Variants in ERO1A observed in about 807,000 individuals in gnomAD.
ERO1A encodes ERO1-like protein alpha.
Under a neutral mutation model 76.9 loss-of-function variants are expected in ERO1A, and 49 were observed. That is an observed-to-expected ratio of 0.64 (90% CI 0.51 to 0.81). The LOEUF (loss-of-function observed/expected upper bound fraction) is 0.81, where lower values mean the gene tolerates loss of function less well. ERO1A is among the 30% of genes least tolerant of loss of function. The pLI, the probability that ERO1A is intolerant of heterozygous loss-of-function variation, is 0.00. For synonymous variants in ERO1A, 174 were observed against 181.2 expected (o/e 0.96, Z 0.32); for missense variants, 448 against 542.1 (o/e 0.83, Z 1.72).
chr14:52,667,715 G>A (rs542684825), intron 6 of ERO1A, among the ~76,000 whole-genome samples: 1 of 151,954 alleles, frequency 6.6e-6, no homozygotes, highest in Non-Finnish European at 1.5e-5. Flanking sequence ...CAGTGAGACT[G>A]TGTCTCAAAA....
At position 52,653,137 on chromosome 14, in the gene ERO1A, G is replaced by T; in HGVS notation, c.987C>A (p.Leu329=). 6.2e-7 allele frequency: 1 copy of T among 1,609,906 alleles called. No individual in the cohort carries two copies. The highest frequency in any genetic ancestry group is 8.5e-7 in the Non-Finnish European group (1 of 1,176,440). The change falls in exon 12 of 16, where the codon CTC becomes CTA. Residue 329 remains leucine, a synonymous_variant. Coordinates refer to ENST00000395686, the MANE Select transcript of ERO1A (RefSeq NM_014584.3). ...CATCCTGAATTTTATTTCCAGTAAAGAGTTGAAAATCTGGGCGCTCGAAGA... is the reference window on the plus strand; with the variant it reads ...CATCCTGAATTTTATTTCCAGTAAATAGTTGAAAATCTGGGCGCTCGAAGA... The part of the protein sequence containing the change: ...LPFFERPDFQ[L]FTGNKIQDEE...
chr14:52,686,912 GAGT>G (rs1363016549), intron 1 of ERO1A, among the ~76,000 whole-genome samples: 3 of 152,072 alleles, frequency 2.0e-5, no homozygotes. Flanking sequence ...CTGAAATATG[GAGT>G]AGGAGATATT....
intron 1 of ERO1A, among the ~76,000 whole-genome samples, chr14:52,692,886 C>G (rs1475376550): frequency 1.3e-5 from 2 of 151,552 alleles, no homozygotes; most frequent in Non-Finnish European, 2.9e-5. Flanking sequence ...CTCTGCATGT[C>G]TATTCATCAG....
At chr14:52,664,864 T>C (rs1218191030) in intron 7 of ERO1A, among the ~76,000 whole-genome samples, 2 of 152,068 alleles carry the variant, frequency 1.3e-5, no homozygotes, top group African/African-American at 4.8e-5. Flanking sequence ...GCTAATTTTT[T>C]GTATTTTTAG....
intron 13 of ERO1A, 67 bp from the exon 14 acceptor site, chr14:52,646,528 C>A (rs2039662648): frequency 1.6e-6 from 2 of 1,289,702 alleles, no homozygotes; most frequent in Middle Eastern, 2.7e-4. Flanking sequence ...ATTTTCTGAG[C>A]AGGTTCTATG....
rs187944107 is a variant in ERO1A, at chr14:52,653,945, G to A, written c.809-630C>T. Among the ~76,000 whole-genome samples the A allele has an allele frequency of 2.8e-4, 43 of 152,130 alleles. No individual in the cohort carries two copies. The East Asian group carries it at 7.7e-3, about 27-fold the overall frequency. On this transcript the variant is annotated intron_variant, in intron 11 of 15. Coordinates refer to ENST00000395686, the MANE Select transcript of ERO1A (RefSeq NM_014584.3). ...TATATTACTCTAAAAATAGACCTTA[G>A]GTGCAAGAAAATTATAGAGTAAGTG...
chr14:52,671,922 CTT>C (rs1290836380), intron 4 of ERO1A, 51 bp from the exon 5 acceptor site: 4 of 1,237,828 alleles, frequency 3.2e-6, no homozygotes, highest in Admixed American at 2.2e-5. Flanking sequence ...ATTTTTAAAA[CTT>C]GTTTAAAATT....
At chr14:52,664,065 C>A in intron 7 of ERO1A, 1 of 363,992 alleles carries the variant, frequency 2.7e-6, no homozygotes, top group Non-Finnish European at 5.1e-6. Context: ...GCCAGCAGGC[C>A]ATTTCCTAAT....
At chr14:52,668,816 ATACTATAATTATATTAAATAT>A (rs1291400186) in intron 6 of ERO1A, among the ~76,000 whole-genome samples, 5 of 148,694 alleles carry the variant, frequency 3.4e-5, no homozygotes, top group Admixed American at 6.7e-5. Flanking sequence ...ATTTGAAGTA[ATACTATAATTATATTAAATAT>A]TACTATAATT....
At chr14:52,646,328 T>G in intron 14 of ERO1A, 41 bp from the exon 15 acceptor site, 3 of 1,600,236 alleles carry the variant, frequency 1.9e-6, no homozygotes, top group Non-Finnish European at 2.6e-6. Flanking sequence ...TAGAAAATTA[T>G]TCATGCAAAG....
intron 7 of ERO1A, among the ~76,000 whole-genome samples, chr14:52,665,820 C>T (rs2040394142): frequency 1.3e-5 from 2 of 152,186 alleles, no homozygotes; most frequent in Non-Finnish European, 2.9e-5. Flanking sequence ...CTCAGTTTCT[C>T]TGTCTATAAT....
At chr14:52,667,242 G>A (rs777857523) in intron 6 of ERO1A, among the ~76,000 whole-genome samples, 1 of 152,140 alleles carries the variant, frequency 6.6e-6, no homozygotes, top group Non-Finnish European at 1.5e-5. Flanking sequence ...AAAAGCAAAA[G>A]TTACAATGCA....
chr14:52,652,518 C>G (rs1594820597), intron 12 of ERO1A, among the ~76,000 whole-genome samples: 1 of 151,992 alleles, frequency 6.6e-6, no homozygotes, highest in Non-Finnish European at 1.5e-5. Context: ...CCAATTTGTT[C>G]AAATAAACAT....
intron 15 of ERO1A, among the ~76,000 whole-genome samples, chr14:52,644,626 AAC>A (rs1456621978): frequency 7.2e-5 from 11 of 152,156 alleles, no homozygotes; most frequent in African/African-American, 1.9e-4. Flanking sequence ...AAAGTATATA[AAC>A]ACAGAAATAT....
chr14:52,666,445 G>A lies in ERO1A; in HGVS notation c.559C>T (p.Arg187Cys), dbSNP rs373170956. The A allele has an allele frequency of 3.5e-5, 57 of 1,610,326 alleles. No individual in the cohort carries two copies. Among genetic ancestry groups the A allele is most frequent in the East Asian group, 4.5e-5 (2 of 44,838 alleles). Residue 187 changes from arginine (R) to cysteine (C), a missense_variant, in exon 7 of 16, where the codon CGC (arginine) becomes TGC (cysteine). Coordinates refer to ENST00000395686, the MANE Select transcript of ERO1A (RefSeq NM_014584.3). ...EYVDLLLNPERYTGYKGPDAW... is the reference protein window; with the variant it reads ...EYVDLLLNPECYTGYKGPDAW... ...TCTGGTCCCTTGTAACCAGTGTAGC[G>A]CTCAGGATTAAGAAGCAAATCTACA...
At chr14:52,664,215 CAAAT>C (rs1203176020) in intron 7 of ERO1A, 3 of 153,368 alleles carry the variant, frequency 2.0e-5, no homozygotes, top group Non-Finnish European at 4.3e-5. Flanking sequence ...AAATGAAAGA[CAAAT>C]AAGCAAAAAA....
At chr14:52,693,730 T>C (rs1299475977) in intron 1 of ERO1A, among the ~76,000 whole-genome samples, 1 of 152,020 alleles carries the variant, frequency 6.6e-6, no homozygotes, top group African/African-American at 2.4e-5. Context: ...ACTCCTGGAC[T>C]CAAGAGATCC....
intron 1 of ERO1A, among the ~76,000 whole-genome samples, chr14:52,686,789 C>T (rs944971547): frequency 2.0e-5 from 3 of 151,792 alleles, no homozygotes; most frequent in African/African-American, 7.3e-5. Flanking sequence ...GCCGGAGAAT[C>T]GCTTGAACCG....
intron 6 of ERO1A, among the ~76,000 whole-genome samples, chr14:52,669,184 A>T (rs2040514559): frequency 6.6e-6 from 1 of 152,146 alleles, no homozygotes; most frequent in Non-Finnish European, 1.5e-5. Context: ...TAAAATATTC[A>T]GCTTTTTTTA....
Sources: gnomAD v4.1 joint callset for allele counts (sites outside exome capture counted in the v4.1 genomes callset) on GRCh38, gnomAD v4.1.1 for gene constraint, MANE v1.5 for transcripts, NCBI Gene and HGNC (gene_info 2026-07-23, HGNC 2026-07-21) for gene names.